CHST15: variants seen among roughly 807,000 people sequenced by gnomAD.
CHST15 encodes B cell RAG associated protein (GALNAC4S-6ST).
In CHST15, 30 loss-of-function variants were observed where a neutral mutation model predicts 53.6. The observed-to-expected ratio is 0.56, with a 90% CI of 0.42 to 0.76. The LOEUF is 0.76. Ranked by LOEUF, CHST15 falls within the 30% of genes least tolerant of loss-of-function variation. The pLI is 0.00. For synonymous variants in CHST15, 296 were observed against 289.8 expected (o/e 1.02, Z -0.22); for missense variants, 627 against 740.5 (o/e 0.85, Z 1.78).
chr10:124,054,538 T>G (rs1356183016), intron 1 of CHST15, among the ~76,000 whole-genome samples: 1 of 152,220 alleles, frequency 6.6e-6, no homozygotes, highest in East Asian at 1.9e-4. Flanking sequence ...CTGAGCTCAC[T>G]GATTCTCAAC....
At chr10:124,038,782 G>T in intron 4 of CHST15, 111 bp from the exon 5 acceptor site, 1 of 1,142,608 alleles carries the variant, frequency 8.8e-7, no homozygotes, top group Non-Finnish European at 1.2e-6. Flanking sequence ...TTAAGCAGCG[G>T]GAGAGGCCAA....
chr10:124,051,383 G>A (rs1348366389), intron 1 of CHST15, among the ~76,000 whole-genome samples: 1 of 152,192 alleles, frequency 6.6e-6, no homozygotes, highest in Non-Finnish European at 1.5e-5. Context: ...AAAATGGATT[G>A]CTGTTACGTT....
chr10:124,016,159 T>C (rs1356788294), intron 6 of CHST15, among the ~76,000 whole-genome samples: 1 of 152,028 alleles, frequency 6.6e-6, no homozygotes, highest in Non-Finnish European at 1.5e-5. Context: ...GGGTAGGGTG[T>C]GCTGCGGAAC....
chr10:124,014,600 G>A (rs1946526815), intron 6 of CHST15, among the ~76,000 whole-genome samples: 2 of 152,174 alleles, frequency 1.3e-5, no homozygotes, highest in South Asian at 4.1e-4. Flanking sequence ...AGACCAACTC[G>A]CTGTTAAGTC....
chr10:124,067,095 T>A (rs974116530), intron 1 of CHST15, among the ~76,000 whole-genome samples: 1 of 152,200 alleles, frequency 6.6e-6, no homozygotes, highest in Non-Finnish European at 1.5e-5. Flanking sequence ...AGACTCCACA[T>A]CCTGCACTTA....
rs1294696379 is a variant in CHST15, at chr10:124,064,670, C to T, written c.-512-17946G>A. Among the ~76,000 whole-genome samples the T allele has an allele frequency of 1.5e-4, 23 of 151,986 alleles. No individual in the cohort carries two copies. The East Asian group carries it at 4.1e-3, about 27-fold the overall frequency. On this transcript the variant is annotated intron_variant, in intron 1 of 7. Coordinates refer to ENST00000435907, the MANE Select transcript of CHST15 (RefSeq NM_001270764.2). ...ATCCCCCCAACCCCACCCCCGAGCC[C>T]CCACTCCTGCTGGCGGCCTTTATCT...
intron 1 of CHST15, among the ~76,000 whole-genome samples, chr10:124,069,680 C>G (rs1948854067): frequency 6.6e-6 from 1 of 152,134 alleles, no homozygotes; most frequent in Admixed American, 6.5e-5. Flanking sequence ...AGCAGGGGAC[C>G]CAGAAAACAG....
intron 1 of CHST15, among the ~76,000 whole-genome samples, chr10:124,059,938 C>T (rs1420548944): frequency 2.0e-5 from 3 of 152,180 alleles, no homozygotes; most frequent in African/African-American, 7.2e-5. Flanking sequence ...GTTTTAGAGC[C>T]AGGCGAGTGG....
At position 124,055,127 on chromosome 10, in the gene CHST15, A is replaced by G. The variant is rs182744637; in HGVS notation, c.-512-8403T>C. 2.1e-3 allele frequency among the ~76,000 whole-genome samples: 322 copies of G among 152,312 alleles called. 1 individual carries two copies. The highest frequency in any genetic ancestry group is 7.2e-3 in the African/African-American group (299 of 41,562). On this transcript the variant is annotated intron_variant, in intron 1 of 7. Transcript: ENST00000435907. ...CTCCCAGAGACTCCCCTAGAAATGT[A>G]TATTACTCCACCAGGTCCCTTCTGT...
At chr10:124,012,644 G>C (rs989164138) in intron 6 of CHST15, among the ~76,000 whole-genome samples, 164 bp from the exon 7 acceptor site, 1 of 152,176 alleles carries the variant, frequency 6.6e-6, no homozygotes, top group African/African-American at 2.4e-5. Flanking sequence ...CTTCTTTATG[G>C]GGGGTTTTGT....
intron 1 of CHST15, among the ~76,000 whole-genome samples, chr10:124,089,854 C>G (rs1245766167): frequency 6.6e-6 from 1 of 152,160 alleles, no homozygotes; most frequent in Non-Finnish European, 1.5e-5. Context: ...CTGTCCTAGC[C>G]CCGCCAAATC....
chr10:124,042,574 A>C, intron 3 of CHST15, 127 bp from the exon 4 acceptor site: 6 of 1,027,690 alleles, frequency 5.8e-6, no homozygotes, highest in East Asian at 2.6e-5. Flanking sequence ...CAAGAGGCTC[A>C]GCCCAGGTAA....
intron 1 of CHST15, among the ~76,000 whole-genome samples, chr10:124,052,597 A>G: frequency 6.6e-6 from 1 of 152,224 alleles, no homozygotes; most frequent in East Asian, 1.9e-4. Flanking sequence ...TGCTGGAGCC[A>G]GGTTGCCCAG....
chr10:124,078,300 G>A (rs1949135691), intron 1 of CHST15, among the ~76,000 whole-genome samples: 1 of 152,220 alleles, frequency 6.6e-6, no homozygotes, highest in Admixed American at 6.5e-5. Context: ...CTACCATCCA[G>A]CTGCAGGAAT....
At chr10:124,079,000 T>C (rs1949158331) in intron 1 of CHST15, among the ~76,000 whole-genome samples, 1 of 152,146 alleles carries the variant, frequency 6.6e-6, no homozygotes, top group Non-Finnish European at 1.5e-5. Context: ...TGCCAAGAGA[T>C]TATGGGGACT....
intron 5 of CHST15, among the ~76,000 whole-genome samples, chr10:124,034,786 A>T (rs1165088878): frequency 8.4e-6 from 1 of 119,006 alleles, no homozygotes; most frequent in Non-Finnish European, 1.7e-5. Flanking sequence ...CCTAACAGGG[A>T]CGCCGGCTCC....
At chr10:124,083,332 T>G (rs942218834) in intron 1 of CHST15, among the ~76,000 whole-genome samples, 1 of 152,196 alleles carries the variant, frequency 6.6e-6, no homozygotes, top group Non-Finnish European at 1.5e-5. Flanking sequence ...TCTATCGACT[T>G]ATTTCCATTT....
At chr10:124,066,028 T>A (rs1590324386) in intron 1 of CHST15, among the ~76,000 whole-genome samples, 1 of 146,050 alleles carries the variant, frequency 6.8e-6, no homozygotes, top group Non-Finnish European at 1.5e-5. Context: ...AAAACCCGAA[T>A]TCTTCTGTCT....
chr10:124,013,427 A>G (rs2133824361), intron 6 of CHST15, among the ~76,000 whole-genome samples: 1 of 152,194 alleles, frequency 6.6e-6, no homozygotes, highest in East Asian at 1.9e-4. Context: ...ACCGTCCATG[A>G]CTCCACAGGG....
Sources: allele counts gnomAD v4.1 joint callset (sites outside exome capture counted in the v4.1 genomes callset), GRCh38; gene constraint gnomAD v4.1.1; transcripts MANE v1.5; gene names NCBI Gene and HGNC (gene_info 2026-07-23, HGNC 2026-07-21).